PI4KA: variants seen among roughly 807,000 people sequenced by gnomAD.
PI4KA encodes the protein phosphatidylinositol 4-kinase alpha.
A neutral mutation model predicts 271.4 loss-of-function variants in PI4KA; 122 were observed. The ratio of observed to expected loss-of-function variants is 0.45; its 90% CI spans 0.39 to 0.52. PI4KA has a LOEUF of 0.52. PI4KA is among the 20% of genes least tolerant of loss of function. The probability of loss-of-function intolerance (pLI) is 0.00; values close to 1 mark genes in which losing one functional copy is unlikely to be tolerated. For synonymous variants in PI4KA, 1,041 were observed against 1,078.8 expected, an observed-to-expected ratio of 0.96 and a Z score of 0.69; for missense variants, 1,969 against 2,769.1, an observed-to-expected ratio of 0.71 and a Z score of 6.48.
At chr22:20,779,650 T>G (rs1933599461) in intron 19 of PI4KA, 2 of 1,613,876 alleles carry the variant, frequency 1.2e-6, no homozygotes, top group Non-Finnish European at 8.5e-7. Flanking sequence ...GCTGGGAACA[T>G]CCTCCAGCTT....
At chr22:20,849,996 G>C (rs1449684703) in intron 1 of PI4KA, among the ~76,000 whole-genome samples, 1 of 152,184 alleles carries the variant, frequency 6.6e-6, no homozygotes, top group African/African-American at 2.4e-5. Flanking sequence ...GGGCTGCAGG[G>C]TAACAGCAAG....
At chr22:20,779,462 G>C in intron 19 of PI4KA, 1 of 1,614,152 alleles carries the variant, frequency 6.2e-7, no homozygotes. Context: ...ACAAAAACCT[G>C]AGCATGCCTC....
At chr22:20,737,981 A>C (rs1267888005) in intron 32 of PI4KA, among the ~76,000 whole-genome samples, 1 of 152,142 alleles carries the variant, frequency 6.6e-6, no homozygotes, top group Non-Finnish European at 1.5e-5. Flanking sequence ...GAAGCAGCAT[A>C]TGGAAAGGAA....
chr22:20,746,264 G>T (rs113762759), intron 29 of PI4KA, among the ~76,000 whole-genome samples: 1 of 151,682 alleles, frequency 6.6e-6, no homozygotes, highest in Non-Finnish European at 1.5e-5. Context: ...GGGTTTCACC[G>T]TGTTGGCCAG....
intron 1 of PI4KA, among the ~76,000 whole-genome samples, chr22:20,858,314 C>G (rs1466250278): frequency 6.6e-6 from 1 of 152,044 alleles, no homozygotes; most frequent in African/African-American, 2.4e-5. Flanking sequence ...TCACATCCCC[C>G]ACCCCCATCC....
chr22:20,830,479 C>T (rs923524542), intron 3 of PI4KA, among the ~76,000 whole-genome samples: 3 of 152,032 alleles, frequency 2.0e-5, no homozygotes, highest in African/African-American at 7.2e-5. Flanking sequence ...GCTCTTTTTT[C>T]CATTTTCCAT....
At chr22:20,745,487 GA>G (rs1232560557) in intron 29 of PI4KA, among the ~76,000 whole-genome samples, 1 of 151,880 alleles carries the variant, frequency 6.6e-6, no homozygotes, top group Non-Finnish European at 1.5e-5. Flanking sequence ...ATTTTTTTTT[GA>G]GGGGACATGG....
chr22:20,799,047 G>A lies in PI4KA; in HGVS notation c.2004+46C>T, dbSNP rs191989558. The A allele has an allele frequency of 5.1e-5, 76 of 1,504,754 alleles. No homozygotes were observed. The African/African-American group carries it at 5.5e-4, about 11-fold the overall frequency. The allele number at this position is 1,504,754 out of a possible 1,614,324, so 93.2% of individuals were successfully genotyped here. ...CATCCCTTATAGTCAAGAGTTTAAC[G>A]TAGCTTGCACAGGGTTAGTGGTGTT... On this transcript the variant is annotated intron_variant, in intron 16 of 54. Transcript: ENST00000255882.
chr22:20,729,819 G>A lies in PI4KA; in HGVS notation c.4408+73C>T, dbSNP rs1927800128. 1.6e-5 allele frequency: 25 copies of A among 1,602,010 alleles called. 1 individual carries two copies. The South Asian group carries it at 2.3e-4, about 15-fold the overall frequency. On this transcript the variant is annotated intron_variant, in intron 37 of 54. Transcript: ENST00000255882. ...GTGCTCTGTTCTGCTGTCTGAGCAA[G>A]TGTCCATCAAGCAGCTTGCAACTAG...
intron 6 of PI4KA, among the ~76,000 whole-genome samples, chr22:20,818,978 C>T (rs1282177568): frequency 6.6e-6 from 1 of 151,958 alleles, no homozygotes; most frequent in Non-Finnish European, 1.5e-5. Flanking sequence ...TGTTTGGTGG[C>T]GACAAAGGAA....
Position 20,714,705 on chromosome 22 carries a change from GCA to G in PI4KA, c.5318-7_5318-6del. 2 of 1,613,572 alleles carry G rather than the reference GCA, an allele frequency of 1.2e-6. No homozygotes were observed. Among genetic ancestry groups the G allele is most frequent in the East Asian group, 4.5e-5 (2 of 44,870 alleles). On this transcript the variant is annotated splice_polypyrimidine_tract_variant and splice_region_variant and intron_variant, in intron 45 of 54. Transcript: ENST00000255882. ...GGTTGCTGGGCAGGTAGCAGCCTGTGCAGGGACAGAGGCAGTCACAGGGAGTG... is the reference window on the plus strand; with the variant it reads ...GGTTGCTGGGCAGGTAGCAGCCTGTGGGGACAGAGGCAGTCACAGGGAGTG...
In PI4KA at chr22:20,804,408, C is replaced by A; in HGVS notation, c.1361-8G>T. On this transcript the variant is annotated splice_polypyrimidine_tract_variant and splice_region_variant and intron_variant, in intron 11 of 54. Coordinates refer to ENST00000255882, the MANE Select transcript of PI4KA (RefSeq NM_058004.4). ...TGCAAAGGTTTTCTGCACCTTAATT[C>A]AAAACCAGAAGAGGAGATGAGTGAT... 1 of 1,601,044 alleles carries A rather than the reference C, an allele frequency of 6.2e-7. No homozygotes were observed. Among genetic ancestry groups the A allele is most frequent in the South Asian group, 1.1e-5 (1 of 90,822 alleles).
chr22:20,846,132 C>T (rs975030107), intron 1 of PI4KA, among the ~76,000 whole-genome samples: 3 of 151,202 alleles, frequency 2.0e-5, no homozygotes, highest in African/African-American at 4.8e-5. Flanking sequence ...GGCTTGGTGG[C>T]GGGTGCCTGT....
At chr22:20,852,438 T>G (rs1330779683) in intron 1 of PI4KA, among the ~76,000 whole-genome samples, 1 of 152,202 alleles carries the variant, frequency 6.6e-6, no homozygotes, top group African/African-American at 2.4e-5. Flanking sequence ...CATCTTGAAC[T>G]TCTAACTTCC....
chr22:20,831,560 T>A (rs1339034671), intron 3 of PI4KA, among the ~76,000 whole-genome samples: 4 of 151,954 alleles, frequency 2.6e-5, no homozygotes, highest in Non-Finnish European at 5.9e-5. Context: ...GGAGTGAGAC[T>A]CTTTCTCAAA....
intron 19 of PI4KA, among the ~76,000 whole-genome samples, chr22:20,767,360 C>T (rs1233991177): frequency 1.3e-5 from 2 of 151,760 alleles, no homozygotes; most frequent in Non-Finnish European, 2.9e-5. Flanking sequence ...AGGAGAATGG[C>T]GTGAACCTGG....
At chr22:20,834,676 T>G (rs5760899) in intron 2 of PI4KA, 21 bp from the exon 3 acceptor site, 239 of 1,464,654 alleles carry the variant, frequency 1.6e-4, no homozygotes, top group African/African-American at 1.1e-3. Flanking sequence ...ATAAGAAGAA[T>G]AATAAATTAG....
chr22:20,857,963 G>A (rs1308158923), intron 1 of PI4KA, among the ~76,000 whole-genome samples: 4 of 152,106 alleles, frequency 2.6e-5, no homozygotes, highest in Non-Finnish European at 5.9e-5. Context: ...TCCTTTCCCT[G>A]CCACTGTCCC....
Position 20,846,263 on chromosome 22 carries a change from CA to C in PI4KA, c.157-7533del, listed in dbSNP as rs361641. ...TGGGCAACAGAACAAGACTCTATCT[CA>C]AAAAAAAAAAAAAAAAAAAGAAAAG... On this transcript the variant is annotated intron_variant, in intron 1 of 54. Transcript: ENST00000255882. Among the ~76,000 whole-genome samples the C allele has an allele frequency of 7.9e-3, 645 of 82,054 alleles. 6 individuals are homozygous for C. The highest frequency in any genetic ancestry group is 0.062 in the East Asian group (196 of 3,180). The allele number at this position is 82,054 out of a possible 152,430, so 53.8% of individuals were successfully genotyped here. A position where few individuals can be genotyped will look rare whatever the true frequency, so the allele number is the denominator to read the frequency against.
Sources: allele counts gnomAD v4.1 joint callset (sites outside exome capture counted in the v4.1 genomes callset), GRCh38; gene constraint gnomAD v4.1.1; transcripts MANE v1.5; gene names NCBI Gene and HGNC (gene_info 2026-07-23, HGNC 2026-07-21).